NIPAL2: variants seen among roughly 807,000 people sequenced by gnomAD.
NIPAL2 encodes NIPA like domain containing 2, also known as NIPA-like protein 2.
Under a neutral mutation model 48.9 loss-of-function variants are expected in NIPAL2, and 43 were observed. The observed-to-expected ratio is 0.88, with a 90% CI of 0.69 to 1.13. The LOEUF is 1.13. NIPAL2 is among the 50% of genes most tolerant of loss of function. The pLI, the probability that NIPAL2 is intolerant of heterozygous loss-of-function variation, is 0.00. For missense variants in NIPAL2, 446 were observed against 461.4 expected (o/e 0.97, Z 0.31); for synonymous variants, 167 against 174.6 (o/e 0.96, Z 0.34).
chr8:98,201,721 A>G (rs997721130), intron 8 of NIPAL2, among the ~76,000 whole-genome samples: 1 of 152,210 alleles, frequency 6.6e-6, no homozygotes, highest in African/African-American at 2.4e-5. Context: ...TCTAAGACAC[A>G]TCAATATGCA....
chr8:98,254,805 C>T (rs1371724587), intron 1 of NIPAL2, among the ~76,000 whole-genome samples: 1 of 152,232 alleles, frequency 6.6e-6, no homozygotes, highest in Non-Finnish European at 1.5e-5. Context: ...CACGCGCCAT[C>T]CTCTAGCCAG....
intron 1 of NIPAL2, 111 bp from the exon 2 acceptor site, chr8:98,254,198 A>T (rs948447237): frequency 3.7e-5 from 28 of 760,880 alleles, no homozygotes; most frequent in Non-Finnish European, 5.7e-5. Context: ...TTAGCCTAGC[A>T]CCCATTTCCC....
intron 3 of NIPAL2, chr8:98,252,209 G>A (rs953497140): frequency 7.6e-6 from 3 of 392,990 alleles, no homozygotes; most frequent in East Asian, 8.3e-5. Context: ...TTCTGTCACC[G>A]TTAATTTATT....
chr8:98,236,182 C>A lies in NIPAL2; in HGVS notation c.409G>T (p.Asp137Tyr). ...SAIISVTFLK[D>Y]NLRASDLLGT... is the part of the protein sequence containing the mutation. ...AGTAAGTCTGAGGCTCTCAAATTGT[C>A]TTTCAGAAATGTAACAGAAATAATG... Residue 137 changes from aspartate to tyrosine, a missense_variant, in exon 4 of 11, where the codon GAC becomes TAC. Asp to Tyr is a radical substitution (Grantham distance 160). Transcript: ENST00000430223. 5.6e-6 allele frequency: 9 copies of A among 1,603,604 alleles called. No homozygotes were observed. The highest frequency in any genetic ancestry group is 7.7e-6 in the Non-Finnish European group (9 of 1,173,840).
chr8:98,193,093 G>A lies in NIPAL2; in HGVS notation c.1040-3C>T, dbSNP rs754401861. ...TATTTTGTCCAACATTTGTTTCCCT[G>A]TGGAGATAATAATCATAGAGAATCT... On this transcript the variant is annotated splice_region_variant and splice_polypyrimidine_tract_variant and intron_variant, in intron 10 of 10. Coordinates refer to ENST00000430223, the MANE Select transcript of NIPAL2 (RefSeq NM_001321635.2). 23 of 1,601,846 alleles carry A rather than the reference G, an allele frequency of 1.4e-5. No homozygotes were observed. The highest frequency in any genetic ancestry group is 1.8e-5 in the Non-Finnish European group (21 of 1,169,090).
At chr8:98,243,499 G>A (rs1037217945) in intron 3 of NIPAL2, among the ~76,000 whole-genome samples, 3 of 152,098 alleles carry the variant, frequency 2.0e-5, no homozygotes, top group Non-Finnish European at 4.4e-5. Flanking sequence ...ATCAACCCTC[G>A]GTTTGTCCTT....
chr8:98,263,329 T>C (rs1439071725), intron 1 of NIPAL2, among the ~76,000 whole-genome samples: 4 of 150,032 alleles, frequency 2.7e-5, no homozygotes, highest in Admixed American at 6.6e-5. Context: ...AAAAAATTAA[T>C]GAATCCAGGA....
rs982097765 is a variant in NIPAL2, at chr8:98,190,880, G to C, written c.*2098C>G. On this transcript the variant is annotated 3_prime_UTR_variant, in exon 11 of 11. Coordinates refer to ENST00000430223, the MANE Select transcript of NIPAL2 (RefSeq NM_001321635.2). ...AACTCACAATGCCAAGAGAAGGACT[G>C]AGTTGGCTTTAGTTGTTGTCATGCA... The C allele has an allele frequency of 6.6e-6, 1 of 152,226 alleles. No individual in the cohort carries two copies. The highest frequency in any genetic ancestry group is 1.5e-5 in the Non-Finnish European group (1 of 68,036). The allele number at this position is 152,226 out of a possible 1,614,324, so 9.4% of individuals were successfully genotyped here.
intron 4 of NIPAL2, among the ~76,000 whole-genome samples, chr8:98,229,534 G>A (rs978456255): frequency 6.6e-6 from 1 of 152,050 alleles, no homozygotes; most frequent in African/African-American, 2.4e-5. Context: ...CACCATGACT[G>A]GCTAATTTTT....
rs1344435614 is a variant in NIPAL2, at chr8:98,263,035, A to T, written c.136-8948T>A. On this transcript the variant is annotated intron_variant, in intron 1 of 10. Coordinates refer to ENST00000430223, the MANE Select transcript of NIPAL2 (RefSeq NM_001321635.2). Reference sequence around the variant, plus strand: ...ACCTGCTCCTGAATGACTACTGGGTACATAACGAAATGCAGGCAGAAATAA... The same window carrying T: ...ACCTGCTCCTGAATGACTACTGGGTTCATAACGAAATGCAGGCAGAAATAA... Among the ~76,000 whole-genome samples the T allele has an allele frequency of 2.7e-5, 4 of 150,690 alleles. No individual in the cohort carries two copies. The East Asian group carries it at 7.7e-4, about 29-fold the overall frequency.
intron 1 of NIPAL2, among the ~76,000 whole-genome samples, chr8:98,264,094 A>T (rs1814545826): frequency 6.6e-6 from 1 of 152,150 alleles, no homozygotes; most frequent in Non-Finnish European, 1.5e-5. Context: ...TTATGCTAAA[A>T]ACTCTCAATA....
chr8:98,242,488 A>ATATTTTTTTTT (rs1813038720), intron 3 of NIPAL2, among the ~76,000 whole-genome samples: 2 of 117,768 alleles, frequency 1.7e-5, no homozygotes, highest in African/African-American at 6.6e-5. Context: ...CACCTGACAG[A>ATATTTTTTTTT]TTTTTTTTTT....
At chr8:98,206,326 A>ATATATATATATG (rs778830626) in intron 6 of NIPAL2, among the ~76,000 whole-genome samples, 135 of 151,304 alleles carry the variant, frequency 8.9e-4, no homozygotes, top group African/African-American at 2.5e-3. Context: ...GTATATATAT[A>ATATATATATATG]TATGTATGTA....
chr8:98,257,388 AC>A (rs1181452833), intron 1 of NIPAL2, among the ~76,000 whole-genome samples: 45 of 139,524 alleles, frequency 3.2e-4, no homozygotes, highest in African/African-American at 1.2e-3. Flanking sequence ...TCGCTCTGTC[AC>A]CAGGCTGGAA....
intron 1 of NIPAL2, among the ~76,000 whole-genome samples, chr8:98,259,003 C>G (rs1814089417): frequency 1.3e-5 from 2 of 150,434 alleles, no homozygotes; most frequent in Admixed American, 1.3e-4. Flanking sequence ...AATACACAGG[C>G]CACAAAATAA....
intron 1 of NIPAL2, among the ~76,000 whole-genome samples, chr8:98,266,470 C>T (rs183574983): frequency 1.2e-3 from 180 of 149,914 alleles, no homozygotes; most frequent in African/African-American, 4.2e-3. Context: ...GGCATAGCAG[C>T]GTGCACCTGC....
At chr8:98,215,547 G>A (rs565764754) in intron 5 of NIPAL2, among the ~76,000 whole-genome samples, 3 of 152,166 alleles carry the variant, frequency 2.0e-5, no homozygotes, top group Admixed American at 6.5e-5. Flanking sequence ...TTACGAATTC[G>A]TTGAATCCTC....
At chr8:98,242,431 C>T (rs922850291) in intron 3 of NIPAL2, among the ~76,000 whole-genome samples, 16 of 150,608 alleles carry the variant, frequency 1.1e-4, no homozygotes, top group Non-Finnish European at 1.6e-4. Flanking sequence ...AATTGATTCT[C>T]CTACTTTGGC....
At chr8:98,212,350 A>G in intron 6 of NIPAL2, 55 bp downstream of exon 6, 1 of 953,744 alleles carries the variant, frequency 1.0e-6, no homozygotes, top group Non-Finnish European at 1.7e-6. Context: ...TTCAAACCTC[A>G]TTTATGACTC....
Sources: allele counts gnomAD v4.1 joint callset (sites outside exome capture counted in the v4.1 genomes callset), GRCh38; gene constraint gnomAD v4.1.1; transcripts MANE v1.5; gene names NCBI Gene and HGNC (gene_info 2026-07-23, HGNC 2026-07-21).